SZT2: variants seen among roughly 807,000 people sequenced by gnomAD.
SZT2 encodes the protein SZT2 subunit of KICSTOR complex, also known as KICSTOR complex protein SZT2.
A neutral mutation model predicts 404.2 loss-of-function variants in SZT2; 216 were observed. That is an observed-to-expected ratio of 0.53 (90% CI 0.48 to 0.60). The LOEUF is 0.60. Ranked by LOEUF, SZT2 falls within the 20% of genes least tolerant of loss-of-function variation. The probability of loss-of-function intolerance (pLI) is 0.00; values close to 1 mark genes in which losing one functional copy is unlikely to be tolerated. For synonymous variants in SZT2, 1,693 were observed against 1,749.9 expected (o/e 0.97, Z 0.81); for missense variants, 3,857 against 4,459.2 (o/e 0.86, Z 3.85).
Position 43,439,127 on chromosome 1 carries a change from T to C in SZT2, c.6792+34T>C. On this transcript the variant is annotated intron_variant, in intron 48 of 71. Transcript: ENST00000634258. This position sits in a 1 kb window ranked among gnomAD's most constrained non-coding sequence, Gnocchi z 4.2. Reference sequence around the variant, plus strand: ...GCACTCATCTCTCTCCACACTCATGTGCACCCCTGCCCCCTGCCCCACGCA... The same window carrying C: ...GCACTCATCTCTCTCCACACTCATGCGCACCCCTGCCCCCTGCCCCACGCA... 6.2e-7 allele frequency: 1 copy of C among 1,613,360 alleles called. No homozygotes were observed. The highest frequency in any genetic ancestry group is 1.1e-5 in the South Asian group (1 of 91,062).
chr1:43,419,486 G>A (rs575355064), intron 7 of SZT2, among the ~76,000 whole-genome samples: 3 of 152,344 alleles, frequency 2.0e-5, no homozygotes, highest in Admixed American at 6.5e-5. Context: ...AGTGAAGGAG[G>A]TGGTGGGCCT....
intron 7 of SZT2, 132 bp downstream of exon 7, chr1:43,416,773 A>G: frequency 1.4e-6 from 1 of 699,442 alleles, no homozygotes; most frequent in Non-Finnish European, 2.4e-6. Flanking sequence ...GGAAGGAGTC[A>G]TATCTAGAAG....
At chr1:43,443,854 C>T (rs991886513) in intron 62 of SZT2, 58 bp downstream of exon 62, 4 of 1,598,968 alleles carry the variant, frequency 2.5e-6, no homozygotes, top group Non-Finnish European at 3.4e-6. Flanking sequence ...AGTGAGGCCC[C>T]ACAGGCCCTT....
rs1655101067 is a variant in SZT2, at chr1:43,441,918, G to A, written c.7743-82G>A. The A allele has an allele frequency of 6.3e-7, 1 of 1,592,510 alleles. No individual in the cohort carries two copies. Among genetic ancestry groups the A allele is most frequent in the Non-Finnish European group, 8.6e-7 (1 of 1,166,232 alleles). On this transcript the variant is annotated intron_variant, in intron 55 of 71. Transcript: ENST00000634258. This position sits in a 1 kb window ranked among gnomAD's most constrained non-coding sequence, Gnocchi z 4.8. ...CTGAGGAAGCTGAGCTAGGAGAGGT[G>A]GAAACAAGGCCCAGGGAGGTGAAGG... is the stretch of plus-strand genomic sequence containing the variant.
Position 43,425,391 on chromosome 1 carries a change from C to T in SZT2, c.2646-83C>T, listed in dbSNP as rs954371152. On this transcript the variant is annotated intron_variant, in intron 18 of 71. Coordinates refer to ENST00000634258, the MANE Select transcript of SZT2 (RefSeq NM_001365999.1). This position sits in a 1 kb window ranked among gnomAD's most constrained non-coding sequence, Gnocchi z 4.3. ...AGGCCTTGTATGACTCGTGGCTGTC[C>T]TCTGTGCCTGCCTCCTTCCCTCCAT... 3.2e-6 allele frequency: 5 copies of T among 1,581,088 alleles called. No individual in the cohort carries two copies. Among genetic ancestry groups the T allele is most frequent in the African/African-American group, 2.7e-5 (2 of 74,456 alleles).
intron 4 of SZT2, chr1:43,412,131 A>C (rs2153931062): frequency 6.6e-6 from 1 of 152,244 alleles, no homozygotes; most frequent in African/African-American, 2.4e-5. Flanking sequence ...CCAGCCCCCA[A>C]ACAACCCTTA....
Position 43,442,980 on chromosome 1 carries a change from C to T in SZT2, c.8313C>T (p.Ile2771=), listed in dbSNP as rs771900645. ...TFPFDEALRD[I]TAARPSSVLG... ...CCTTTGACGAGGCCCTAAGGGATATCACGGCTGCCCGCCCCAGCTCCGTAC... is the reference window on the plus strand; with the variant it reads ...CCTTTGACGAGGCCCTAAGGGATATTACGGCTGCCCGCCCCAGCTCCGTAC... The change falls in exon 59 of 72, where the codon ATC becomes ATT. Residue 2771 remains isoleucine (I), a synonymous_variant. Coordinates refer to ENST00000634258, the MANE Select transcript of SZT2 (RefSeq NM_001365999.1). This position sits in a 1 kb window ranked among gnomAD's most constrained non-coding sequence, Gnocchi z 4.5. 5.0e-6 allele frequency: 8 copies of T among 1,614,032 alleles called. No individual in the cohort carries two copies. The highest frequency in any genetic ancestry group is 6.8e-6 in the Non-Finnish European group (8 of 1,180,022).
chr1:43,417,302 G>A (rs926860635), intron 7 of SZT2, among the ~76,000 whole-genome samples: 1 of 152,108 alleles, frequency 6.6e-6, no homozygotes, highest in South Asian at 2.1e-4. Context: ...TGAAGAGGCA[G>A]AGTCAACCTG....
intron 36 of SZT2, 65 bp from the exon 37 acceptor site, chr1:43,432,207 T>C: frequency 6.8e-7 from 1 of 1,476,182 alleles, no homozygotes; most frequent in Non-Finnish European, 9.1e-7. Flanking sequence ...CATGAGGAAG[T>C]GTAGCTCACC....
intron 2 of SZT2, 99 bp from the exon 3 acceptor site, chr1:43,403,502 T>C: frequency 7.0e-7 from 1 of 1,438,620 alleles, no homozygotes; most frequent in Non-Finnish European, 9.5e-7. Context: ...TTGAGGGAGG[T>C]AGAGCCAATG....
At chr1:43,392,925 G>T (rs953774023) in intron 1 of SZT2, among the ~76,000 whole-genome samples, 1 of 152,216 alleles carries the variant, frequency 6.6e-6, no homozygotes, top group African/African-American at 2.4e-5. Flanking sequence ...GTAGGAGTCA[G>T]AATTGTGCTA....
chr1:43,430,906 G>T, intron 32 of SZT2, 43 bp from the exon 33 acceptor site: 1 of 1,597,716 alleles, frequency 6.3e-7, no homozygotes, highest in Non-Finnish European at 8.5e-7. Flanking sequence ...ATCTGTGCTT[G>T]TCTTAGAGCC....
rs938557860 is a variant in SZT2 at position 43,453,810 on chromosome 1, C to A, written c.*3330C>A. The A allele has an allele frequency of 6.4e-6, 8 of 1,250,734 alleles. No homozygotes were observed. Among genetic ancestry groups the A allele is most frequent in the Middle Eastern group, 3.1e-4 (1 of 3,254 alleles). 77.5% of individuals were successfully genotyped at this position (1,250,734 alleles called of 1,614,324 possible). A position where few individuals can be genotyped will look rare whatever the true frequency, so the allele number is the denominator to read the frequency against. On this transcript the variant is annotated 3_prime_UTR_variant, in exon 72 of 72. Transcript: ENST00000634258. ...CGGCGCCATGCCTGGGGAGGCCGGG[C>A]CGGGCGGAGTCCGCGGGATCCAAAG...
rs906178702 is a variant in SZT2, at chr1:43,454,159, T to C, written c.*3679T>C. On this transcript the variant is annotated 3_prime_UTR_variant, in exon 72 of 72. Coordinates refer to ENST00000634258, the MANE Select transcript of SZT2 (RefSeq NM_001365999.1). ...ATGGGACGCGCACTTTAATACTGAGTCTTTCCTCTGATTATAAAAATGCTA... is the reference window on the plus strand; with the variant it reads ...ATGGGACGCGCACTTTAATACTGAGCCTTTCCTCTGATTATAAAAATGCTA... The C allele has an allele frequency of 2.0e-5, 8 of 397,336 alleles. No homozygotes were observed. Among genetic ancestry groups the C allele is most frequent in the Non-Finnish European group, 2.5e-5 (7 of 283,142 alleles). 24.6% of individuals were successfully genotyped at this position (397,336 alleles called of 1,614,324 possible).
chr1:43,439,101 G>A lies in SZT2; in HGVS notation c.6792+8G>A, dbSNP rs778606270. On this transcript the variant is annotated splice_region_variant and intron_variant, in intron 48 of 71. Coordinates refer to ENST00000634258, the MANE Select transcript of SZT2 (RefSeq NM_001365999.1). This position sits in a 1 kb window ranked among gnomAD's most constrained non-coding sequence, Gnocchi z 4.2. ...AGCCGGAACCACTTCCAAGTGAGAT[G>A]GCACTCATCTCTCTCCACACTCATG... The A allele has an allele frequency of 1.9e-6, 3 of 1,614,102 alleles. No individual in the cohort carries two copies. The South Asian group carries it at 3.3e-5, about 18-fold the overall frequency.
In SZT2 at chr1:43,439,654, G is replaced by C; in HGVS notation, c.6927G>C (p.Leu2309Phe). Residue 2309 changes from leucine to phenylalanine, a missense_variant, in exon 50 of 72, where the codon TTG (leucine) becomes TTC (phenylalanine). This residue lies in a region of SZT2 where 261 missense variants were observed against 372.9 expected (regional missense o/e 0.70). Coordinates refer to ENST00000634258, the MANE Select transcript of SZT2 (RefSeq NM_001365999.1). The surrounding 1 kb of genome is among the most constrained non-coding windows in gnomAD (Gnocchi z 4.2). ...TTGTGGATGAAGGAGGGGCCCCCTTGTCACTGGCGTTGTGGCCCCCCTCCT... is the reference window on the plus strand; with the variant it reads ...TTGTGGATGAAGGAGGGGCCCCCTTCTCACTGGCGTTGTGGCCCCCCTCCT... ...LAFVDEGGAP[L>F]SLALWPPSSP... 6.2e-7 allele frequency: 1 copy of C among 1,613,692 alleles called. No homozygotes were observed. The highest frequency in any genetic ancestry group is 2.2e-5 in the East Asian group (1 of 44,872).
rs878855007 is a variant in SZT2, at chr1:43,424,317, C to T, written c.2356C>T (p.Leu786=). Residue 786 remains leucine (L), a synonymous_variant, in exon 16 of 72, where the codon CTG becomes TTG. Transcript: ENST00000634258. The surrounding 1 kb of genome is among the most constrained non-coding windows in gnomAD (Gnocchi z 4.1). ...GTCAGGCCGCTCAGCCTCTTCTAGC[C>T]TGGCGTCACTGTCCCGCTACCTCTA... ...LVSGRSASSS[L]ASLSRYLYHQ... 1 of 1,598,110 alleles carries T rather than the reference C, an allele frequency of 6.3e-7. No homozygotes were observed. Among genetic ancestry groups the T allele is most frequent in the Admixed American group, 1.7e-5 (1 of 59,996 alleles).
Position 43,441,749 on chromosome 1 carries a change from T to G in SZT2, c.7673T>G (p.Leu2558Arg). Residue 2558 changes from leucine (L) to arginine (R), a missense_variant, in exon 55 of 72, where the codon CTG becomes CGG. Leu to Arg is a moderately radical substitution (Grantham distance 102, BLOSUM62 -2). This residue lies in a region of SZT2 where 573 missense variants were observed against 592.4 expected (regional missense o/e 0.97). Coordinates refer to ENST00000634258, the MANE Select transcript of SZT2 (RefSeq NM_001365999.1). This position sits in a 1 kb window ranked among gnomAD's most constrained non-coding sequence, Gnocchi z 4.8. ...MVSRFLLPSI[L>R]SEFTALVTSM... ...TCCCGGTTCCTCCTTCCATCCATCC[T>G]GTCTGAGTTCACCGCACTGGTCACC... The G allele has an allele frequency of 2.5e-6, 4 of 1,614,210 alleles. No individual in the cohort carries two copies. The highest frequency in any genetic ancestry group is 2.5e-6 in the Non-Finnish European group (3 of 1,180,038).
Position 43,443,599 on chromosome 1 carries a change from G to A in SZT2, c.8628G>A (p.Arg2876=). ...TTCCTTGATCTTTACTCTCATAGCG[G>A]CGCCATCGCCCTGAGTCAGGGTCTG... ...PETSGPPDGQ[R]RHRPESGSGS... The change falls in exon 62 of 72, where the codon CGG becomes CGA. Residue 2876 remains arginine, a splice_region_variant and synonymous_variant. Transcript: ENST00000634258. The A allele has an allele frequency of 6.2e-7, 1 of 1,614,080 alleles. No homozygotes were observed. Among genetic ancestry groups the A allele is most frequent in the East Asian group, 2.2e-5 (1 of 44,876 alleles).
Sources: allele counts gnomAD v4.1 joint callset (sites outside exome capture counted in the v4.1 genomes callset), GRCh38; gene constraint gnomAD v4.1.1; regional missense constraint gnomAD v4.1.1; non-coding constraint Gnocchi (gnomAD v3.1); transcripts MANE v1.5; gene names NCBI Gene and HGNC (gene_info 2026-07-23, HGNC 2026-07-21).